The following COL19A1 variants were observed in gnomAD, a reference collection of about 807,000 sequenced individuals.
COL19A1 encodes collagen type XIX alpha 1 chain, also known as collagen alpha-1(XIX) chain.
A neutral mutation model predicts 190.2 loss-of-function variants in COL19A1; 159 were observed. That is an observed-to-expected ratio of 0.84 (90% CI 0.73 to 0.95). COL19A1 has a LOEUF of 0.95. Among genes scored for constraint, COL19A1 ranks in the 40% least tolerant of loss-of-function variants. The pLI is 0.00. For synonymous variants in COL19A1, 509 were observed against 458.9 expected, an observed-to-expected ratio of 1.11 and a Z score of -1.39; for missense variants, 1,418 against 1,431.9, an observed-to-expected ratio of 0.99 and a Z score of 0.16.
At chr6:70,098,467 G>A in intron 15 of COL19A1, 4 of 508,418 alleles carry the variant, frequency 7.9e-6, no homozygotes, top group South Asian at 5.7e-5. Flanking sequence ...GCCTGAATCT[G>A]CGGTATACAA....
intron 11 of COL19A1, among the ~76,000 whole-genome samples, chr6:69,973,242 T>G (rs995431943): frequency 1.3e-5 from 2 of 152,196 alleles, no homozygotes; most frequent in African/African-American, 4.8e-5. Flanking sequence ...GCCTCAGGTT[T>G]CTACTCTTAG....
At chr6:69,979,960 T>C (rs542226031) in intron 11 of COL19A1, among the ~76,000 whole-genome samples, 2 of 152,080 alleles carry the variant, frequency 1.3e-5, no homozygotes, top group African/African-American at 4.8e-5. Flanking sequence ...TCTTTAAAAT[T>C]ATAACCTTAA....
intron 12 of COL19A1, among the ~76,000 whole-genome samples, chr6:70,033,444 G>GT (rs201983736): frequency 9.1e-4 from 137 of 149,886 alleles, no homozygotes; most frequent in South Asian, 1.9e-3. Flanking sequence ...GAAAAAAGAA[G>GT]TTTTTTTTTT....
intron 11 of COL19A1, among the ~76,000 whole-genome samples, chr6:69,978,536 T>C (rs2150062757): frequency 6.6e-6 from 1 of 151,832 alleles, no homozygotes; most frequent in African/African-American, 2.4e-5. Context: ...TTCATAAAAA[T>C]CAATGCACAA....
chr6:70,049,720 T>C (rs1240352580), intron 14 of COL19A1, among the ~76,000 whole-genome samples: 10 of 152,066 alleles, frequency 6.6e-5, no homozygotes. Context: ...AGTTATTTTA[T>C]TTCATGTTGA....
At chr6:70,049,011 A>G (rs909475394) in intron 14 of COL19A1, among the ~76,000 whole-genome samples, 3 of 151,888 alleles carry the variant, frequency 2.0e-5, no homozygotes, top group Admixed American at 1.3e-4. Flanking sequence ...TCTGTAGCAT[A>G]TATGTATTAT....
chr6:69,963,355 A>G (rs1774911688), intron 11 of COL19A1, among the ~76,000 whole-genome samples: 1 of 152,250 alleles, frequency 6.6e-6, no homozygotes, highest in Non-Finnish European at 1.5e-5. Flanking sequence ...TGGTTTAAAA[A>G]GTACGGACAA....
chr6:70,182,281 C>G (rs898717053), intron 44 of COL19A1, among the ~76,000 whole-genome samples: 1 of 151,930 alleles, frequency 6.6e-6, no homozygotes, highest in Non-Finnish European at 1.5e-5. Flanking sequence ...GGGAAAGAGA[C>G]CAATCACAGC....
Position 70,016,901 on chromosome 6 carries a change from A to C in COL19A1, c.1027-6726A>C, listed in dbSNP as rs571534349. On this transcript the variant is annotated intron_variant, in intron 11 of 50. Transcript: ENST00000620364. ...ATGTGGAAATCAGGAACCCTAATACACTGCTGATGGGAATGTAAAATGGCA... is the reference window on the plus strand; with the variant it reads ...ATGTGGAAATCAGGAACCCTAATACCCTGCTGATGGGAATGTAAAATGGCA... Among the ~76,000 whole-genome samples, 14 of 152,208 alleles carry C rather than the reference A, an allele frequency of 9.2e-5. No homozygotes were observed. In the South Asian group the frequency reaches 2.9e-3, roughly 32 times the overall value.
At chr6:69,973,615 T>C (rs945624304) in intron 11 of COL19A1, among the ~76,000 whole-genome samples, 1 of 124,002 alleles carries the variant, frequency 8.1e-6, no homozygotes, top group Non-Finnish European at 1.8e-5. Flanking sequence ...AAGATGTGTT[T>C]TTTTAAATTA....
intron 18 of COL19A1, among the ~76,000 whole-genome samples, chr6:70,132,710 G>A (rs1292194109): frequency 6.6e-6 from 1 of 152,076 alleles, no homozygotes; most frequent in East Asian, 1.9e-4. Context: ...ATTTAGGGTA[G>A]GGGTCTTATC....
At chr6:70,026,043 G>C (rs1207653491) in intron 12 of COL19A1, among the ~76,000 whole-genome samples, 1 of 152,094 alleles carries the variant, frequency 6.6e-6, no homozygotes, top group African/African-American at 2.4e-5. Flanking sequence ...GGCTCTCTGA[G>C]ATAGAGGAGC....
At position 70,093,716 on chromosome 6, in the gene COL19A1, T is replaced by A. The variant is rs549674772; in HGVS notation, c.1225-8453T>A. ...ATTGTGAATGATCGGGATACTCACA[T>A]CAAGGAAACGTTAATCCTGTTTTAA... On this transcript the variant is annotated intron_variant, in intron 15 of 50. Transcript: ENST00000620364. Among the ~76,000 whole-genome samples, 38 of 152,336 alleles carry A rather than the reference T, an allele frequency of 2.5e-4. No individual in the cohort carries two copies. In the South Asian group the frequency reaches 7.2e-3, roughly 29 times the overall value.
intron 1 of COL19A1, among the ~76,000 whole-genome samples, chr6:69,873,280 C>T (rs1351827731): frequency 1.3e-5 from 2 of 152,078 alleles, no homozygotes; most frequent in African/African-American, 2.4e-5. Flanking sequence ...CTTAATCCCC[C>T]GCAGCATCTA....
At chr6:70,198,101 A>G (rs1217351147) in intron 48 of COL19A1, among the ~76,000 whole-genome samples, 1 of 152,240 alleles carries the variant, frequency 6.6e-6, no homozygotes, top group Non-Finnish European at 1.5e-5. Context: ...TGCCTTTGCA[A>G]TTCAACTAAA....
intron 15 of COL19A1, among the ~76,000 whole-genome samples, chr6:70,087,925 A>G (rs1001010251): frequency 3.3e-5 from 5 of 152,220 alleles, no homozygotes; most frequent in Non-Finnish European, 7.3e-5. Flanking sequence ...GTTGGCCTCA[A>G]TAACATTAAA....
intron 49 of COL19A1, among the ~76,000 whole-genome samples, chr6:70,202,275 T>C (rs952514115): frequency 3.3e-5 from 5 of 152,292 alleles, no homozygotes; most frequent in Admixed American, 1.3e-4. Context: ...GTTTTCAGTG[T>C]TTGTCAGGAA....
chr6:70,193,156 T>C (rs1176891144), intron 48 of COL19A1, among the ~76,000 whole-genome samples: 1 of 151,152 alleles, frequency 6.6e-6, no homozygotes, highest in Admixed American at 6.6e-5. Flanking sequence ...TACAAGTCCA[T>C]CAGACACTGG....
chr6:69,899,132 G>T, intron 3 of COL19A1, 110 bp downstream of exon 3: 4 of 667,874 alleles, frequency 6.0e-6, no homozygotes, highest in South Asian at 4.4e-5. Context: ...TAAGATCATA[G>T]CATTAACGTG....
Sources: allele counts gnomAD v4.1 joint callset (sites outside exome capture counted in the v4.1 genomes callset), GRCh38; gene constraint gnomAD v4.1.1; transcripts MANE v1.5; gene names NCBI Gene and HGNC (gene_info 2026-07-23, HGNC 2026-07-21).